Variants in IFFO2 observed in about 807,000 individuals in gnomAD.
IFFO2 encodes the protein intermediate filament family orphan 2.
Under a neutral mutation model 53.5 loss-of-function variants are expected in IFFO2, and 19 were observed. That is an observed-to-expected ratio of 0.36 (90% CI 0.25 to 0.52). IFFO2 has a LOEUF of 0.52. Ranked by LOEUF, IFFO2 falls within the 20% of genes least tolerant of loss-of-function variation. The pLI is 0.94. For missense variants in IFFO2, 570 were observed against 727.4 expected (o/e 0.78, Z 2.49); for synonymous variants, 303 against 313.6 (o/e 0.97, Z 0.36).
Position 18,947,953 on chromosome 1 carries a change from C to G in IFFO2, c.665+7715G>C, listed in dbSNP as rs1936610915. 1.3e-5 allele frequency among the ~76,000 whole-genome samples: 2 copies of G among 152,232 alleles called. No individual in the cohort carries two copies. Among genetic ancestry groups the G allele is most frequent in the Admixed American group, 1.3e-4 (2 of 15,292 alleles). On this transcript the variant is annotated intron_variant, in intron 1 of 8. Transcript: ENST00000455833. The surrounding 1 kb of genome is among the most constrained non-coding windows in gnomAD (Gnocchi z 5.0). ...CAGGGGCATGGGACAAGGCCACCTC[C>G]TGGGAGGAGCACTGACCTTGGGGTC...
At chr1:18,955,064 G>C (rs1936706564) in intron 1 of IFFO2, among the ~76,000 whole-genome samples, 1 of 152,174 alleles carries the variant, frequency 6.6e-6, no homozygotes, top group African/African-American at 2.4e-5. Flanking sequence ...CTGGCCCCAG[G>C]GGGTAGGGGC....
chr1:18,934,534 GT>G (rs1263497686), intron 1 of IFFO2, among the ~76,000 whole-genome samples: 8 of 152,158 alleles, frequency 5.3e-5, no homozygotes, highest in Admixed American at 5.2e-4. Flanking sequence ...ATACCTGCTC[GT>G]TTTCCCCTTG....
At chr1:18,949,078 C>G (rs970238579) in intron 1 of IFFO2, among the ~76,000 whole-genome samples, 1 of 152,230 alleles carries the variant, frequency 6.6e-6, no homozygotes, top group Non-Finnish European at 1.5e-5. Context: ...GAACTTTGGC[C>G]CAGGCCTTCT....
chr1:18,944,973 C>T (rs1936567539), intron 1 of IFFO2, among the ~76,000 whole-genome samples: 1 of 152,220 alleles, frequency 6.6e-6, no homozygotes, highest in South Asian at 2.1e-4. Context: ...AAGCACAGGA[C>T]AGGCCAAGTT....
chr1:18,931,760 T>C (rs979756336), intron 1 of IFFO2, among the ~76,000 whole-genome samples: 3 of 152,188 alleles, frequency 2.0e-5, no homozygotes, highest in African/African-American at 7.2e-5. Flanking sequence ...CAAATCCAGG[T>C]CCATATGGCT....
chr1:18,909,890 G>A (rs776649182), intron 8 of IFFO2, among the ~76,000 whole-genome samples: 2 of 152,008 alleles, frequency 1.3e-5, no homozygotes, highest in African/African-American at 2.4e-5. Flanking sequence ...GAGCCACCAC[G>A]CCCAGCCTCA....
chr1:18,942,025 C>A (rs748310003), intron 1 of IFFO2, among the ~76,000 whole-genome samples: 3 of 152,232 alleles, frequency 2.0e-5, no homozygotes, highest in East Asian at 1.9e-4. Context: ...GCTGCCCAGG[C>A]GGCTCTACCG....
chr1:18,941,982 G>T (rs1355855183), intron 1 of IFFO2, among the ~76,000 whole-genome samples: 7 of 152,244 alleles, frequency 4.6e-5, no homozygotes, highest in Non-Finnish European at 7.3e-5. Context: ...CTGACAGTCT[G>T]CTCGAGAAGA....
intron 1 of IFFO2, among the ~76,000 whole-genome samples, chr1:18,922,728 G>A (rs1042342612): frequency 6.6e-6 from 1 of 152,132 alleles, no homozygotes; most frequent in Non-Finnish European, 1.5e-5. Context: ...GGGCAGGGAG[G>A]GAACCTAAGG....
intron 1 of IFFO2, among the ~76,000 whole-genome samples, chr1:18,931,584 T>A (rs759845662): frequency 2.8e-4 from 43 of 152,202 alleles, no homozygotes; most frequent in Non-Finnish European, 5.9e-4. Flanking sequence ...GTCTCTCTCA[T>A]CAGACTCCAC....
chr1:18,920,511 G>A (rs1936201720), intron 2 of IFFO2, among the ~76,000 whole-genome samples: 1 of 152,230 alleles, frequency 6.6e-6, no homozygotes, highest in South Asian at 2.1e-4. Flanking sequence ...CTGAGAAGAT[G>A]AAGTTTGCTG....
Position 18,905,266 on chromosome 1 carries a change from T to C in IFFO2, c.*3295A>G, listed in dbSNP as rs979727889. The C allele has an allele frequency of 6.6e-6, 1 of 150,554 alleles. No individual in the cohort carries two copies. The highest frequency in any genetic ancestry group is 2.4e-5 in the African/African-American group (1 of 41,002). 9.3% of individuals were successfully genotyped at this position (150,554 alleles called of 1,614,324 possible). A position where few individuals can be genotyped will look rare whatever the true frequency, so the allele number is the denominator to read the frequency against. ...ACCTACACTCTGCTGAAGCTGCTCATGGGTGTGGATGACCAAAAGTGAGGA... is the reference window on the plus strand; with the variant it reads ...ACCTACACTCTGCTGAAGCTGCTCACGGGTGTGGATGACCAAAAGTGAGGA... On this transcript the variant is annotated 3_prime_UTR_variant, in exon 9 of 9. Coordinates refer to ENST00000455833, the MANE Select transcript of IFFO2 (RefSeq NM_001136265.2).
At chr1:18,938,958 G>T (rs187098364) in intron 1 of IFFO2, among the ~76,000 whole-genome samples, 3 of 152,360 alleles carry the variant, frequency 2.0e-5, no homozygotes, top group Admixed American at 6.5e-5. Flanking sequence ...GTCCAGCCCT[G>T]GCAGGCAACA....
chr1:18,950,832 A>G (rs28413803), intron 1 of IFFO2, among the ~76,000 whole-genome samples: 120,235 of 152,190 alleles, frequency 0.79, 48,610 homozygotes, highest in East Asian at 0.96. Context: ...CCTCCATTCC[A>G]GCCGACAGCC....
intron 1 of IFFO2, among the ~76,000 whole-genome samples, chr1:18,943,151 G>C (rs1293503831): frequency 2.0e-5 from 3 of 152,140 alleles, no homozygotes; most frequent in African/African-American, 7.2e-5. Flanking sequence ...AGGATCACTT[G>C]AGGCCAGGAG....
At position 18,906,755 on chromosome 1, in the gene IFFO2, G is replaced by A. The variant is rs954402436; in HGVS notation, c.*1806C>T. ...AAAGGGAACTGTTTGGCTAACAAGAGATGCTGACTATGGAAGTGTCACAGC... is the reference window on the plus strand; with the variant it reads ...AAAGGGAACTGTTTGGCTAACAAGAAATGCTGACTATGGAAGTGTCACAGC... On this transcript the variant is annotated 3_prime_UTR_variant, in exon 9 of 9. Transcript: ENST00000455833. The A allele has an allele frequency of 1.3e-5, 2 of 152,204 alleles. No individual in the cohort carries two copies. Among genetic ancestry groups the A allele is most frequent in the Non-Finnish European group, 2.9e-5 (2 of 68,054 alleles). 9.4% of individuals were successfully genotyped at this position (152,204 alleles called of 1,614,324 possible). A position where few individuals can be genotyped will look rare whatever the true frequency, so the allele number is the denominator to read the frequency against.
Position 18,955,987 on chromosome 1 carries a change from G to T in IFFO2, c.346C>A (p.Pro116Thr). The change falls in exon 1 of 9, where the codon CCC becomes ACC. Residue 116 changes from proline (P) to threonine (T), a missense_variant. Transcript: ENST00000455833. ...CCGTGCCCGCCGCCGGGCGCCGGGG[G>T]CCGCAGCAACTCGGGCCCGGTCTGC... ...AVQTGPELLR[P>T]PAPGGGHGLS... 1 of 1,342,438 alleles carries T rather than the reference G, an allele frequency of 7.4e-7. No individual in the cohort carries two copies. Among genetic ancestry groups the T allele is most frequent in the Non-Finnish European group, 9.7e-7 (1 of 1,034,254 alleles). 83.2% of individuals were successfully genotyped at this position (1,342,438 alleles called of 1,614,324 possible).
At chr1:18,938,089 C>T (rs1336915686) in intron 1 of IFFO2, among the ~76,000 whole-genome samples, 1 of 139,824 alleles carries the variant, frequency 7.2e-6, no homozygotes, top group East Asian at 2.1e-4. Context: ...CTTGCAGCCA[C>T]CCCCTGTCCC....
intron 1 of IFFO2, among the ~76,000 whole-genome samples, chr1:18,931,798 C>T (rs573044882): frequency 1.3e-5 from 2 of 152,320 alleles, no homozygotes; most frequent in South Asian, 2.1e-4. Context: ...TCTCTATGGT[C>T]TGATGGTGTC....
Sources: allele counts gnomAD v4.1 joint callset (sites outside exome capture counted in the v4.1 genomes callset), GRCh38; gene constraint gnomAD v4.1.1; non-coding constraint Gnocchi (gnomAD v3.1); transcripts MANE v1.5; gene names NCBI Gene and HGNC (gene_info 2026-07-23, HGNC 2026-07-21).